The following DNAH9 variants were observed in gnomAD, a reference collection of about 807,000 sequenced individuals.
DNAH9 encodes the protein DNAH9 variant protein.
DNAH9 carries 345 observed loss-of-function variants against 471.6 expected under a neutral mutation model. The observed-to-expected ratio is 0.73, with a 90% CI of 0.67 to 0.80. DNAH9 has a LOEUF of 0.80. Among genes scored for constraint, DNAH9 ranks in the 30% least tolerant of loss-of-function variants. The pLI, the probability that DNAH9 is intolerant of heterozygous loss-of-function variation, is 0.00. For missense variants in DNAH9, 5,407 were observed against 5,609.2 expected, an observed-to-expected ratio of 0.96 and a Z score of 1.15; for synonymous variants, 2,093 against 2,123.6, an observed-to-expected ratio of 0.99 and a Z score of 0.40.
intron 17 of DNAH9, 87 bp from the exon 18 acceptor site, chr17:11,679,670 T>C (rs565724855): frequency 1.1e-6 from 1 of 923,390 alleles, no homozygotes; most frequent in Non-Finnish European, 1.8e-6. Context: ...TTCATAATGA[T>C]AGATATTTTT....
intron 26 of DNAH9, among the ~76,000 whole-genome samples, chr17:11,710,116 A>G (rs1866397394): frequency 6.6e-6 from 1 of 152,134 alleles, no homozygotes; most frequent in Non-Finnish European, 1.5e-5. Flanking sequence ...AATGTTGAAA[A>G]CTGAAACTGA....
chr17:11,867,380 A>G (rs940792017), intron 50 of DNAH9, among the ~76,000 whole-genome samples: 4 of 152,072 alleles, frequency 2.6e-5, no homozygotes, highest in African/African-American at 7.2e-5. Context: ...TATGCTTTTC[A>G]GGAAATTTCC....
rs2150840014 is a variant in DNAH9 at position 11,744,901 on chromosome 17, C to T, written c.6216C>T (p.Arg2072=). Residue 2072 remains arginine, a synonymous_variant, in exon 31 of 69, where the codon CGC becomes CGT. Coordinates refer to ENST00000262442, the MANE Select transcript of DNAH9 (RefSeq NM_001372.4). The stretch of plus-strand genomic sequence containing the variant: ...GGCCTGAGGACCAGGTCCTGATGCG[C>T]TCCTTGCGGGATTTCAACATCCCCA... The part of the protein sequence containing the change: ...PDRPEDQVLM[R]SLRDFNIPKI... The T allele has an allele frequency of 6.2e-7, 1 of 1,614,188 alleles. No homozygotes were observed.
chr17:11,620,027 A>G (rs1458127295), intron 6 of DNAH9: 1 of 492,498 alleles, frequency 2.0e-6, no homozygotes, highest in East Asian at 3.5e-5. Flanking sequence ...CCGGGCCAAC[A>G]TGGCAAAACG....
At chr17:11,815,528 C>T (rs1005505075) in intron 45 of DNAH9, among the ~76,000 whole-genome samples, 1 of 152,142 alleles carries the variant, frequency 6.6e-6, no homozygotes, top group Non-Finnish European at 1.5e-5. Context: ...GTGGCTTACA[C>T]CTGTAATCCC....
chr17:11,965,730 G>A (rs1191971892), intron 68 of DNAH9, among the ~76,000 whole-genome samples: 2 of 152,028 alleles, frequency 1.3e-5, no homozygotes, highest in African/African-American at 4.8e-5. Flanking sequence ...AGAAAATTGT[G>A]TGAACTATGT....
rs779951765 is a variant in DNAH9, at chr17:11,822,455, C to A, written c.8868C>A (p.Ser2956=). The A allele has an allele frequency of 2.4e-5, 39 of 1,614,168 alleles. No individual in the cohort carries two copies. In the Middle Eastern group the frequency reaches 4.9e-4, roughly 20 times the overall value. ...CTTCTCAGGTGACTCTCTGTTTCTCCCCTGTGGGAAACAAGCTAAGAGTCC... is the reference window on the plus strand; with the variant it reads ...CTTCTCAGGTGACTCTCTGTTTCTCACCTGTGGGAAACAAGCTAAGAGTCC... ...RRQLKVTLCF[S]PVGNKLRVRS... is the part of the protein sequence containing the mutation. The change falls in exon 47 of 69, where the codon TCC becomes TCA. Residue 2956 remains serine, a synonymous_variant. Coordinates refer to ENST00000262442, the MANE Select transcript of DNAH9 (RefSeq NM_001372.4).
chr17:11,621,355 C>T (rs1030910029), intron 6 of DNAH9, among the ~76,000 whole-genome samples: 2 of 147,318 alleles, frequency 1.4e-5, no homozygotes, highest in African/African-American at 5.0e-5. Context: ...TTGCAGTGAG[C>T]CAAGATCGCG....
At chr17:11,785,383 C>T (rs142848146) in intron 41 of DNAH9, among the ~76,000 whole-genome samples, 2 of 152,240 alleles carry the variant, frequency 1.3e-5, no homozygotes, top group Non-Finnish European at 2.9e-5. Context: ...CAGGCAGTGA[C>T]ACCACCTTCC....
chr17:11,953,263 G>A (rs766910127), intron 67 of DNAH9, among the ~76,000 whole-genome samples: 22 of 152,216 alleles, frequency 1.4e-4, no homozygotes, highest in African/African-American at 2.9e-4. Flanking sequence ...CTGACTTACC[G>A]TTGGAGCATG....
chr17:11,650,308 A>T (rs1374541851), intron 12 of DNAH9, among the ~76,000 whole-genome samples: 1 of 152,184 alleles, frequency 6.6e-6, no homozygotes, highest in Non-Finnish European at 1.5e-5. Context: ...TATGCCCATC[A>T]GTCCTCATGG....
intron 49 of DNAH9, among the ~76,000 whole-genome samples, chr17:11,845,882 A>G (rs1033090739): frequency 6.2e-4 from 90 of 144,376 alleles, no homozygotes; most frequent in African/African-American, 2.0e-3. Flanking sequence ...GTTTGAGTTC[A>G]TTGTAGATTC....
chr17:11,818,425 A>AT (rs112312158), intron 45 of DNAH9, among the ~76,000 whole-genome samples: 1 of 148,470 alleles, frequency 6.7e-6, no homozygotes, highest in Non-Finnish European at 1.5e-5. Context: ...AAGACTCCGT[A>AT]TTTAAAAAAA....
In DNAH9 at chr17:11,862,137, G is replaced by T. The variant is rs867473289; in HGVS notation, c.9934-6997G>T. Among the ~76,000 whole-genome samples the T allele has an allele frequency of 9.2e-5, 12 of 130,722 alleles. 1 individual carries two copies. Among genetic ancestry groups the T allele is most frequent in the African/African-American group, 2.8e-4 (10 of 35,834 alleles). The allele number at this position is 130,722 out of a possible 152,430, so 85.8% of individuals were successfully genotyped here. The stretch of plus-strand genomic sequence containing the variant: ...GGTAATGCCTAGGTTTTCTTCTAGG[G>T]TTTATATGGTTTTAGGTCTAACGTT... On this transcript the variant is annotated intron_variant, in intron 50 of 68. Coordinates refer to ENST00000262442, the MANE Select transcript of DNAH9 (RefSeq NM_001372.4).
intron 42 of DNAH9, 93 bp from the exon 43 acceptor site, chr17:11,797,504 G>A: frequency 9.5e-7 from 1 of 1,050,260 alleles, no homozygotes; most frequent in Admixed American, 2.5e-5. Flanking sequence ...CTAATTTCCA[G>A]GGAATGTGCA....
Position 11,611,576 on chromosome 17 carries a change from G to A in DNAH9, c.774-74G>A, listed in dbSNP as rs1201477693. 6.1e-6 allele frequency: 9 copies of A among 1,477,950 alleles called. No individual in the cohort carries two copies. The African/African-American group carries it at 8.3e-5, about 14-fold the overall frequency. The allele number at this position is 1,477,950 out of a possible 1,614,324, so 91.6% of individuals were successfully genotyped here. ...AGGCAGGGCTCCTCTCTTTCTGTGT[G>A]ACGATGGGTCATCACAGTGTGACTT... On this transcript the variant is annotated intron_variant, in intron 3 of 68. Transcript: ENST00000262442.
At chr17:11,661,352 T>G (rs2073758488) in intron 14 of DNAH9, among the ~76,000 whole-genome samples, 1 of 152,150 alleles carries the variant, frequency 6.6e-6, no homozygotes, top group South Asian at 2.1e-4. Context: ...CGGCATATAA[T>G]ACAAATTTAT....
chr17:11,912,836 T>A (rs1597818509), intron 61 of DNAH9, among the ~76,000 whole-genome samples: 1 of 152,196 alleles, frequency 6.6e-6, no homozygotes, highest in Non-Finnish European at 1.5e-5. Flanking sequence ...TACATCAGAA[T>A]TAGTTGGAAA....
chr17:11,714,417 T>G (rs897843014), intron 26 of DNAH9, among the ~76,000 whole-genome samples: 2 of 152,210 alleles, frequency 1.3e-5, no homozygotes, highest in African/African-American at 2.4e-5. Flanking sequence ...GTGAAGACAT[T>G]AAACATCAGT....
Sources: allele counts gnomAD v4.1 joint callset (sites outside exome capture counted in the v4.1 genomes callset), GRCh38; gene constraint gnomAD v4.1.1; transcripts MANE v1.5; gene names NCBI Gene and HGNC (gene_info 2026-07-23, HGNC 2026-07-21).